Variants in MACF1 observed in about 807,000 individuals in gnomAD.
MACF1 encodes the protein microtubule-actin cross-linking factor 1.
A neutral mutation model predicts 854.8 loss-of-function variants in MACF1; 193 were observed. The ratio of observed to expected loss-of-function variants is 0.23; its 90% CI spans 0.20 to 0.25. The LOEUF is 0.25. MACF1 is among the 10% of genes least tolerant of loss of function. MACF1 has a pLI of 1.00. For missense variants in MACF1, 7,722 were observed against 8,929.1 expected, an observed-to-expected ratio of 0.86 and a Z score of 5.45; for synonymous variants, 3,185 against 3,226.7, an observed-to-expected ratio of 0.99 and a Z score of 0.44.
intron 2 of MACF1, among the ~76,000 whole-genome samples, chr1:39,145,812 C>G (rs1334509160): frequency 1.3e-5 from 2 of 152,204 alleles, no homozygotes; most frequent in Non-Finnish European, 2.9e-5. Context: ...AGTGATGACT[C>G]TCTTGTCAGA....
rs112042016 is a variant in MACF1 at position 39,269,286 on chromosome 1, C to T, written c.528+11258C>T. ...GAAAGGAAATATTCAGCGTGGGTTT[C>T]GGAGCTGTGCTTTGCCTAGGACAGA... On this transcript the variant is annotated intron_variant, in intron 6 of 100. Coordinates refer to ENST00000564288, the MANE Select transcript of MACF1 (RefSeq NM_001394062.1). 3.8e-4 allele frequency: 487 copies of T among 1,289,798 alleles called. 2 individuals carry two copies. The highest frequency in any genetic ancestry group is 1.9e-3 in the Middle Eastern group (9 of 4,694). The allele number at this position is 1,289,798 out of a possible 1,614,324, so 79.9% of individuals were successfully genotyped here. A position where few individuals can be genotyped will look rare whatever the true frequency, so the allele number is the denominator to read the frequency against.
intron 2 of MACF1, among the ~76,000 whole-genome samples, chr1:39,181,290 A>G (rs947918593): frequency 1.3e-5 from 2 of 152,234 alleles, no homozygotes; most frequent in Non-Finnish European, 2.9e-5. Context: ...AATATTTGAT[A>G]GAGCATAGGG....
At chr1:39,354,567 G>A (rs1172102488) in intron 44 of MACF1, among the ~76,000 whole-genome samples, 1 of 152,084 alleles carries the variant, frequency 6.6e-6, no homozygotes, top group African/African-American at 2.4e-5. Context: ...ACCATGCCTA[G>A]CTAAGTTTTG....
At position 39,359,196 on chromosome 1, in the gene MACF1, T is replaced by TAGC; in HGVS notation, c.12177_12179dup (p.Ala4060dup). 1 of 1,614,142 alleles carries TAGC rather than the reference T, an allele frequency of 6.2e-7. No homozygotes were observed. The highest frequency in any genetic ancestry group is 8.5e-7 in the Non-Finnish European group (1 of 1,180,016). ...GTACCTGTGGAAAAACTCCAAAAAG[T>TAGC]AGCTCGTGACATAATGGAAATTGAA... On this transcript the variant is annotated inframe_insertion, in exon 47 of 101. Coordinates refer to ENST00000564288, the MANE Select transcript of MACF1 (RefSeq NM_001394062.1).
intron 2 of MACF1, among the ~76,000 whole-genome samples, chr1:39,137,865 C>G (rs1019912947): frequency 6.6e-6 from 1 of 151,254 alleles, no homozygotes; most frequent in African/African-American, 2.4e-5. Context: ...CCTGAGGTCG[C>G]GAGTTTGAGA....
rs528619303 is a variant in MACF1, at chr1:39,392,207, T to C, written c.15816+3549T>C. The stretch of plus-strand genomic sequence containing the variant: ...AGCATATTCTTGGCTGAACTCATGC[T>C]GAGCTCATCGGAAGTGAAAACAATG... On this transcript the variant is annotated intron_variant, in intron 58 of 100. Transcript: ENST00000564288. Among the ~76,000 whole-genome samples the C allele has an allele frequency of 2.0e-5, 3 of 152,326 alleles. No individual in the cohort carries two copies. In the South Asian group the frequency reaches 6.2e-4, roughly 32 times the overall value.
In MACF1 at chr1:39,460,050, A is replaced by G. The variant is rs1158896197; in HGVS notation, c.21361-582A>G. 2.0e-5 allele frequency among the ~76,000 whole-genome samples: 3 copies of G among 152,216 alleles called. No individual in the cohort carries two copies. The highest frequency in any genetic ancestry group is 7.2e-5 in the African/African-American group (3 of 41,464). ...CCACTGCATAGGCCTGCTGTTTTCCATCAAGGCCAAATATTTAACATGGAG... is the reference window on the plus strand; with the variant it reads ...CCACTGCATAGGCCTGCTGTTTTCCGTCAAGGCCAAATATTTAACATGGAG... On this transcript the variant is annotated intron_variant, in intron 91 of 100. Transcript: ENST00000564288. This position sits in a 1 kb window ranked among gnomAD's most constrained non-coding sequence, Gnocchi z 4.1.
At position 39,357,619 on chromosome 1, in the gene MACF1, A is replaced by G. The variant is rs773531012; in HGVS notation, c.11669A>G (p.Glu3890Gly). 4.3e-6 allele frequency: 7 copies of G among 1,614,190 alleles called. No homozygotes were observed. In the South Asian group the frequency reaches 7.7e-5, roughly 18 times the overall value. The change falls in exon 45 of 101, where the codon GAA (glutamate) becomes GGA (glycine). Residue 3890 changes from glutamate to glycine, a missense_variant. Glu to Gly is a moderately conservative substitution (Grantham distance 98). This residue lies in a region of MACF1 where 2,807 missense variants were observed against 3,235.8 expected (regional missense o/e 0.87). Coordinates refer to ENST00000564288, the MANE Select transcript of MACF1 (RefSeq NM_001394062.1). Reference sequence around the variant, plus strand: ...TTTCTGCAGGATCATAAAGAGTTTGAAAGCTGGTTGGAACGATCCGAGAAA... The same window carrying G: ...TTTCTGCAGGATCATAAAGAGTTTGGAAGCTGGTTGGAACGATCCGAGAAA... ...QKFLQDHKEF[E>G]SWLERSEKEL...
chr1:39,224,912 C>CA (rs1644696007), intron 1 of MACF1, among the ~76,000 whole-genome samples: 1 of 152,192 alleles, frequency 6.6e-6, no homozygotes, highest in African/African-American at 2.4e-5. Flanking sequence ...AGGCCGGATA[C>CA]AGTGGCTCAT....
chr1:39,465,117 A>G lies in MACF1; in HGVS notation c.21771+5A>G. On this transcript the variant is annotated splice_donor_5th_base_variant and intron_variant, in intron 95 of 100. Coordinates refer to ENST00000564288, the MANE Select transcript of MACF1 (RefSeq NM_001394062.1). ...TAGTTCTTCCTCGGCAATCAGGTAC[A>G]GTGTGCCTTGCAATGTTCTCCTTCT... 1 of 1,612,800 alleles carries G rather than the reference A, an allele frequency of 6.2e-7. No individual in the cohort carries two copies. The highest frequency in any genetic ancestry group is 8.5e-7 in the Non-Finnish European group (1 of 1,179,046).
intron 50 of MACF1, among the ~76,000 whole-genome samples, chr1:39,369,259 T>C (rs543631112): frequency 6.6e-6 from 1 of 152,300 alleles, no homozygotes; most frequent in South Asian, 2.1e-4. Flanking sequence ...TGAAAAGCCA[T>C]GATTCCTCAC....
intron 58 of MACF1, among the ~76,000 whole-genome samples, chr1:39,404,690 G>A (rs1180152013): frequency 6.6e-6 from 1 of 152,056 alleles, no homozygotes; most frequent in Admixed American, 6.5e-5. Context: ...TTGCAATGTT[G>A]CTTCGGCTAG....
intron 6 of MACF1, among the ~76,000 whole-genome samples, chr1:39,263,099 A>G (rs1645184423): frequency 6.6e-6 from 1 of 152,138 alleles, no homozygotes; most frequent in Admixed American, 6.5e-5. Context: ...AACATATGCT[A>G]TGTAAAGCCA....
At chr1:39,419,786 C>A (rs990490109) in intron 58 of MACF1, among the ~76,000 whole-genome samples, 1 of 146,794 alleles carries the variant, frequency 6.8e-6, no homozygotes, top group Non-Finnish European at 1.5e-5. Context: ...GCGTGCGCCA[C>A]CATGCCTGGC....
intron 6 of MACF1, among the ~76,000 whole-genome samples, chr1:39,273,752 G>A (rs1031194602): frequency 1.1e-4 from 16 of 152,098 alleles, no homozygotes; most frequent in Middle Eastern, 3.4e-3. Flanking sequence ...CACCATGCCC[G>A]GCTAATTTTT....
At chr1:39,182,527 TA>T (rs897757424) in intron 2 of MACF1, among the ~76,000 whole-genome samples, 1 of 151,780 alleles carries the variant, frequency 6.6e-6, no homozygotes, top group Admixed American at 6.6e-5. Context: ...GAAAACCCAA[TA>T]AAAAAATGGG....
At position 39,361,436 on chromosome 1, in the gene MACF1, C is replaced by T. The variant is rs763023263; in HGVS notation, c.12530C>T (p.Thr4177Ile). The T allele has an allele frequency of 1.4e-5, 23 of 1,614,174 alleles. No individual in the cohort carries two copies. The highest frequency in any genetic ancestry group is 2.7e-5 in the African/African-American group (2 of 75,056). The change falls in exon 49 of 101, where the codon ACA (threonine) becomes ATA (isoleucine). Residue 4177 changes from threonine (T) to isoleucine (I), a missense_variant. Thr to Ile is a moderately conservative substitution (Grantham distance 89, BLOSUM62 -1). This residue lies in a region of MACF1 where 2,807 missense variants were observed against 3,235.8 expected (regional missense o/e 0.87). Transcript: ENST00000564288. The part of the protein sequence containing the change: ...TREMVTRFME[T>I]ADSTTAAVLQ... ...GAGATGGTGACCCGATTCATGGAGA[C>T]AGCAGACAGTACTACAGCAGCAGTG...
intron 2 of MACF1, among the ~76,000 whole-genome samples, chr1:39,197,062 A>G (rs897446468): frequency 2.0e-5 from 3 of 152,160 alleles, no homozygotes; most frequent in African/African-American, 7.2e-5. Flanking sequence ...TGTATGATAA[A>G]TGATCTCTTA....
intron 1 of MACF1, among the ~76,000 whole-genome samples, chr1:39,229,285 G>T (rs1238794504): frequency 1.3e-5 from 2 of 152,108 alleles, no homozygotes; most frequent in African/African-American, 4.8e-5. Flanking sequence ...AGGATTCAAG[G>T]CCGAAAAGAA....
Sources: gnomAD v4.1 joint callset for allele counts (sites outside exome capture counted in the v4.1 genomes callset) on GRCh38, gnomAD v4.1.1 for gene constraint, gnomAD v4.1.1 regional missense constraint, Gnocchi (gnomAD v3.1) non-coding constraint, MANE v1.5 for transcripts, NCBI Gene and HGNC (gene_info 2026-07-23, HGNC 2026-07-21) for gene names.